PPARG: variants seen among roughly 807,000 people sequenced by gnomAD.
PPARG encodes the protein peroxisome proliferator activated receptor gamma, also known as peroxisome proliferator-activated receptor gamma.
In PPARG, 17 loss-of-function variants were observed where a neutral mutation model predicts 39.2. The observed-to-expected ratio is 0.43, with a 90% CI of 0.30 to 0.65. The LOEUF (loss-of-function observed/expected upper bound fraction) is 0.65, where lower values mean the gene tolerates loss of function less well. Among genes scored for constraint, PPARG ranks in the 30% least tolerant of loss-of-function variants. PPARG has a pLI of 0.13. For synonymous variants in PPARG, 223 were observed against 215.7 expected (o/e 1.03, Z -0.30); for missense variants, 406 against 585.9 (o/e 0.69, Z 3.17).
chr3:12,412,196 A>T (rs1452366238), intron 6 of PPARG, among the ~76,000 whole-genome samples: 1 of 152,168 alleles, frequency 6.6e-6, no homozygotes, highest in African/African-American at 2.4e-5. Flanking sequence ...TTCATGTATA[A>T]TACCTTTCAT....
At chr3:12,356,227 C>CT (rs570565488) in intron 2 of PPARG, among the ~76,000 whole-genome samples, 32 of 151,750 alleles carry the variant, frequency 2.1e-4, no homozygotes, top group African/African-American at 4.8e-4. Context: ...ACCAGATTGT[C>CT]TTTTTTTTGT....
At chr3:12,431,607 T>C (rs2051662925) in intron 7 of PPARG, among the ~76,000 whole-genome samples, 2 of 152,106 alleles carry the variant, frequency 1.3e-5, no homozygotes, top group Admixed American at 1.3e-4. Context: ...GATAAACCTT[T>C]GACAAATCAG....
chr3:12,342,042 A>T (rs992306770), intron 2 of PPARG, among the ~76,000 whole-genome samples: 1 of 152,198 alleles, frequency 6.6e-6, no homozygotes, highest in Non-Finnish European at 1.5e-5. Flanking sequence ...ACATATCACC[A>T]TTCTAACTTA....
intron 2 of PPARG, among the ~76,000 whole-genome samples, chr3:12,364,804 T>G (rs989524666): frequency 2.0e-4 from 31 of 152,228 alleles, no homozygotes; most frequent in African/African-American, 5.8e-4. Context: ...TGAAGATCTT[T>G]TCACATGTTC....
Position 12,342,271 on chromosome 3 carries a change from G to GAC in PPARG, c.-9+29820_-9+29821dup, listed in dbSNP as rs147390415. 4.8e-3 allele frequency among the ~76,000 whole-genome samples: 728 copies of GAC among 152,280 alleles called. 6 individuals carry two copies. Among genetic ancestry groups the GAC allele is most frequent in the African/African-American group, 0.017 (693 of 41,558 alleles). On this transcript the variant is annotated intron_variant, in intron 2 of 7. Coordinates refer to ENST00000651735, the MANE Select transcript of PPARG (RefSeq NM_138711.6). ...ACAACCAGACAAATTCAGAGGTTGA[G>GAC]ACATTCTATCTGATAACTGGCCTGA...
intron 4 of PPARG, among the ~76,000 whole-genome samples, chr3:12,386,961 C>A (rs1224256104): frequency 6.7e-6 from 1 of 149,670 alleles, no homozygotes; most frequent in Admixed American, 6.8e-5. Context: ...TGAGTGAGAA[C>A]GTGCAGTGTT....
chr3:12,382,425 C>T, intron 4 of PPARG, among the ~76,000 whole-genome samples: 1 of 152,096 alleles, frequency 6.6e-6, no homozygotes, highest in East Asian at 1.9e-4. Flanking sequence ...ATTATATACG[C>T]ATTGCACAGA....
chr3:12,350,200 A>C (rs1177534440), intron 2 of PPARG, among the ~76,000 whole-genome samples: 3 of 152,222 alleles, frequency 2.0e-5, no homozygotes, highest in African/African-American at 7.2e-5. Flanking sequence ...AACTGTAATC[A>C]CTGTAGTCAT....
chr3:12,405,720 G>A (rs547397718), intron 5 of PPARG, among the ~76,000 whole-genome samples, 162 bp from the exon 6 acceptor site: 160 of 152,306 alleles, frequency 1.1e-3, no homozygotes, highest in African/African-American at 3.7e-3. Flanking sequence ...TGCTACTTTT[G>A]TGAAATAAAA....
chr3:12,377,002 A>G (rs901491600), intron 2 of PPARG, among the ~76,000 whole-genome samples: 1 of 152,154 alleles, frequency 6.6e-6, no homozygotes, highest in Non-Finnish European at 1.5e-5. Flanking sequence ...TAAAATACCT[A>G]TGACTGCTTT....
intron 1 of PPARG, among the ~76,000 whole-genome samples, chr3:12,294,752 G>T (rs905226172): frequency 2.0e-5 from 3 of 152,080 alleles, no homozygotes; most frequent in African/African-American, 4.8e-5. Flanking sequence ...AATTAGCTCG[G>T]CATGGTGGCA....
intron 2 of PPARG, among the ~76,000 whole-genome samples, chr3:12,367,173 G>A (rs2049044450): frequency 6.6e-6 from 1 of 152,066 alleles, no homozygotes; most frequent in Admixed American, 6.6e-5. Context: ...AAATTTGTGA[G>A]CATAGAGCCT....
At chr3:12,406,205 T>A in intron 6 of PPARG, 124 bp downstream of exon 6, 1 of 1,004,534 alleles carries the variant, frequency 1.0e-6, no homozygotes, top group Non-Finnish European at 1.5e-6. Context: ...CTGTTGGCTG[T>A]TAACATATTG....
intron 7 of PPARG, among the ~76,000 whole-genome samples, chr3:12,422,093 A>T (rs1272572413): frequency 6.6e-6 from 1 of 152,224 alleles, no homozygotes; most frequent in Non-Finnish European, 1.5e-5. Flanking sequence ...AGATAGATAG[A>T]TTTTTTAAAA....
intron 2 of PPARG, among the ~76,000 whole-genome samples, chr3:12,364,887 T>G (rs1273100051): frequency 6.6e-6 from 1 of 152,218 alleles, no homozygotes. Context: ...ACAGGGTTAT[T>G]CACTTTCTTA....
intron 6 of PPARG, among the ~76,000 whole-genome samples, chr3:12,411,125 G>T (rs2050866412): frequency 6.6e-6 from 1 of 152,054 alleles, no homozygotes; most frequent in South Asian, 2.1e-4. Flanking sequence ...AGATGTAAAA[G>T]ATCTAAACCA....
chr3:12,375,878 G>T (rs79555948), intron 2 of PPARG, among the ~76,000 whole-genome samples: 2 of 151,936 alleles, frequency 1.3e-5, no homozygotes, highest in African/African-American at 4.8e-5. Context: ...GAACCCATAC[G>T]GTACCTAATT....
rs1014899109 is a variant in PPARG at position 12,399,803 on chromosome 3, C to T, written c.530-6079C>T. 1.6e-4 allele frequency among the ~76,000 whole-genome samples: 20 copies of T among 121,912 alleles called. 1 individual carries two copies. The highest frequency in any genetic ancestry group is 5.8e-4 in the African/African-American group (18 of 31,212). The allele number at this position is 121,912 out of a possible 152,430, so 80.0% of individuals were successfully genotyped here. A position where few individuals can be genotyped will look rare whatever the true frequency, so the allele number is the denominator to read the frequency against. On this transcript the variant is annotated intron_variant, in intron 5 of 7. Coordinates refer to ENST00000651735, the MANE Select transcript of PPARG (RefSeq NM_138711.6). ...GGATCACTTGGGCCAGGAGTTTTGG[C>T]GAGATCCCATGTCTACCAAAAAAAA... is the stretch of plus-strand genomic sequence containing the variant.
chr3:12,395,664 A>G (rs140699814), intron 5 of PPARG, among the ~76,000 whole-genome samples: 1 of 152,352 alleles, frequency 6.6e-6, no homozygotes, highest in African/African-American at 2.4e-5. Flanking sequence ...GATATGCTTC[A>G]GAAATATGTT....
Sources: gnomAD v4.1 joint callset for allele counts (sites outside exome capture counted in the v4.1 genomes callset) on GRCh38, gnomAD v4.1.1 for gene constraint, MANE v1.5 for transcripts, NCBI Gene and HGNC (gene_info 2026-07-23, HGNC 2026-07-21) for gene names.